Variants in CDK14 observed in about 807,000 individuals in gnomAD.
CDK14 encodes the protein cyclin-dependent kinase 14.
CDK14 carries 34 observed loss-of-function variants against 60.7 expected under a neutral mutation model. The observed-to-expected ratio is 0.56, with a 90% CI of 0.43 to 0.75. The LOEUF (loss-of-function observed/expected upper bound fraction) is 0.75, where lower values mean the gene tolerates loss of function less well. CDK14 is among the 30% of genes least tolerant of loss of function. The pLI, the probability that CDK14 is intolerant of heterozygous loss-of-function variation, is 0.00. For synonymous variants in CDK14, 197 were observed against 203.7 expected, an observed-to-expected ratio of 0.97 and a Z score of 0.28; for missense variants, 482 against 564.1, an observed-to-expected ratio of 0.85 and a Z score of 1.47.
At chr7:90,883,189 C>T (rs1448582706) in intron 6 of CDK14, among the ~76,000 whole-genome samples, 1 of 150,992 alleles carries the variant, frequency 6.6e-6, no homozygotes. Context: ...ACAAAATACA[C>T]AGCCTCCTAG....
chr7:90,711,882 A>ACGTTTTTTTT lies in CDK14; in HGVS notation c.124-14685_124-14684insCGTTTTTTTT, dbSNP rs1408956904. Among the ~76,000 whole-genome samples, 7 of 110,820 alleles carry ACGTTTTTTTT rather than the reference A, an allele frequency of 6.3e-5. 2 individuals carry two copies. Among genetic ancestry groups the ACGTTTTTTTT allele is most frequent in the African/African-American group, 3.3e-5 (1 of 29,952 alleles). The allele number at this position is 110,820 out of a possible 152,430, so 72.7% of individuals were successfully genotyped here. A position where few individuals can be genotyped will look rare whatever the true frequency, so the allele number is the denominator to read the frequency against. ...GTTCTTATGGAACTTATAGTCTACT[A>ACGTTTTTTTT]TGTTTTTTTTTTTTTTTTTCAATTG... is the stretch of plus-strand genomic sequence containing the variant. On this transcript the variant is annotated intron_variant, in intron 2 of 14. Transcript: ENST00000380050.
Position 91,207,369 on chromosome 7 carries a change from G to A in CDK14, c.*233G>A, listed in dbSNP as rs547232569. 7.9e-5 allele frequency: 12 copies of A among 152,456 alleles called. No individual in the cohort carries two copies. The highest frequency in any genetic ancestry group is 7.7e-4 in the East Asian group (4 of 5,186). The allele number at this position is 152,456 out of a possible 1,614,324, so 9.4% of individuals were successfully genotyped here. A position where few individuals can be genotyped will look rare whatever the true frequency, so the allele number is the denominator to read the frequency against. ...ATACCTTGTGATTTCCAAGAACTACGTGAAGATTAAGCTTTGCTTACTGAT... is the reference window on the plus strand; with the variant it reads ...ATACCTTGTGATTTCCAAGAACTACATGAAGATTAAGCTTTGCTTACTGAT... On this transcript the variant is annotated 3_prime_UTR_variant, in exon 15 of 15. Coordinates refer to ENST00000380050, the MANE Select transcript of CDK14 (RefSeq NM_001287135.2).
chr7:90,609,080 A>G (rs1003206255), intron 2 of CDK14, among the ~76,000 whole-genome samples: 1 of 152,054 alleles, frequency 6.6e-6, no homozygotes, highest in Admixed American at 6.6e-5. Flanking sequence ...AGTTTGGAGT[A>G]CAGTGGTGCC....
chr7:90,703,215 G>C (rs1207292329), intron 2 of CDK14, among the ~76,000 whole-genome samples: 2 of 151,986 alleles, frequency 1.3e-5, no homozygotes, highest in African/African-American at 4.8e-5. Context: ...CTATCCCAAG[G>C]ATTTTATGTC....
At chr7:91,188,344 TG>T (rs1802254078) in intron 14 of CDK14, among the ~76,000 whole-genome samples, 2 of 152,176 alleles carry the variant, frequency 1.3e-5, no homozygotes, top group South Asian at 4.1e-4. Context: ...AACCTCTCAG[TG>T]GAATTGAGGA....
chr7:90,999,874 G>A lies in CDK14; in HGVS notation c.1041+15633G>A, dbSNP rs561826351. Among the ~76,000 whole-genome samples the A allele has an allele frequency of 3.4e-4, 52 of 152,118 alleles. No homozygotes were observed. In the South Asian group the frequency reaches 9.1e-3, roughly 27 times the overall value. ...ATTTGTTCAAACATAGGTATTTTGC[G>A]GTTTACAAAAAATTATTATTACTTA... On this transcript the variant is annotated intron_variant, in intron 10 of 14. Coordinates refer to ENST00000380050, the MANE Select transcript of CDK14 (RefSeq NM_001287135.2).
chr7:91,055,986 A>G (rs1797539477), intron 11 of CDK14, among the ~76,000 whole-genome samples: 1 of 152,224 alleles, frequency 6.6e-6, no homozygotes, highest in African/African-American at 2.4e-5. Context: ...GCCGGCAAGT[A>G]TATAACTAGG....
At chr7:90,935,561 A>C (rs984145430) in intron 8 of CDK14, among the ~76,000 whole-genome samples, 4 of 152,230 alleles carry the variant, frequency 2.6e-5, no homozygotes, top group East Asian at 1.9e-4. Flanking sequence ...TTATTATCTT[A>C]TGATTACAGT....
At chr7:90,673,427 C>T (rs147811503) in intron 2 of CDK14, among the ~76,000 whole-genome samples, 11 of 152,196 alleles carry the variant, frequency 7.2e-5, no homozygotes, top group African/African-American at 2.4e-4. Context: ...CCCTCCCTCC[C>T]TCCCTCTGTT....
intron 5 of CDK14, among the ~76,000 whole-genome samples, chr7:90,854,328 A>G (rs1340729025): frequency 2.0e-5 from 3 of 152,138 alleles, no homozygotes; most frequent in Non-Finnish European, 4.4e-5. Context: ...AGCCTGAACA[A>G]CATAGCAAAA....
At chr7:90,734,991 G>T (rs918178998) in intron 3 of CDK14, among the ~76,000 whole-genome samples, 1 of 152,110 alleles carries the variant, frequency 6.6e-6, no homozygotes. Flanking sequence ...TTCGGATGGG[G>T]TCTCTGAGTG....
intron 12 of CDK14, among the ~76,000 whole-genome samples, chr7:91,104,693 T>C (rs1455170710): frequency 1.3e-5 from 2 of 152,232 alleles, no homozygotes; most frequent in East Asian, 3.8e-4. Context: ...TGGAATTATA[T>C]ATCTATAAGA....
intron 10 of CDK14, among the ~76,000 whole-genome samples, chr7:91,021,786 C>A (rs1431987197): frequency 3.3e-5 from 5 of 152,190 alleles, no homozygotes; most frequent in African/African-American, 4.8e-5. Flanking sequence ...AAGAAACTTT[C>A]ATTGGTCACC....
At chr7:90,999,448 G>C (rs1795782070) in intron 10 of CDK14, among the ~76,000 whole-genome samples, 2 of 151,198 alleles carry the variant, frequency 1.3e-5, no homozygotes, top group Non-Finnish European at 2.9e-5. Context: ...AATTAGCCAG[G>C]CATGGTGGCG....
chr7:91,185,907 C>T (rs965746654), intron 14 of CDK14, among the ~76,000 whole-genome samples: 1 of 152,024 alleles, frequency 6.6e-6, no homozygotes, highest in Non-Finnish European at 1.5e-5. Flanking sequence ...TTCCCACTTC[C>T]CCCAAACCCC....
At chr7:90,912,751 G>T (rs557759993) in intron 7 of CDK14, among the ~76,000 whole-genome samples, 12 of 152,144 alleles carry the variant, frequency 7.9e-5, no homozygotes, top group African/African-American at 2.6e-4. Context: ...AGGACTGCAG[G>T]CACATGCCAC....
intron 12 of CDK14, among the ~76,000 whole-genome samples, chr7:91,086,665 G>A (rs1042346049): frequency 1.3e-5 from 2 of 151,420 alleles, no homozygotes; most frequent in East Asian, 1.9e-4. Context: ...CTGTGGGTGT[G>A]TGTGTGTGTG....
intron 10 of CDK14, among the ~76,000 whole-genome samples, chr7:91,041,131 T>C (rs1427159753): frequency 1.3e-5 from 2 of 150,680 alleles, no homozygotes; most frequent in African/African-American, 4.9e-5. Context: ...TCTTAGTTCC[T>C]CAGGGTCAGG....
At chr7:90,628,846 A>C (rs889745040) in intron 2 of CDK14, among the ~76,000 whole-genome samples, 3 of 151,882 alleles carry the variant, frequency 2.0e-5, no homozygotes, top group Admixed American at 2.0e-4. Flanking sequence ...ACCCTTAAGA[A>C]GAGAGAGAGA....
Sources: allele counts gnomAD v4.1 joint callset (sites outside exome capture counted in the v4.1 genomes callset), GRCh38; gene constraint gnomAD v4.1.1; transcripts MANE v1.5; gene names NCBI Gene and HGNC (gene_info 2026-07-23, HGNC 2026-07-21).